Variants in L2HGDH observed in about 807,000 individuals in gnomAD.
The protein encoded by L2HGDH is L-2-hydroxyglutarate dehydrogenase, mitochondrial.
In L2HGDH, 34 loss-of-function variants were observed where a neutral mutation model predicts 51.5. That is an observed-to-expected ratio of 0.66 (90% CI 0.50 to 0.88). L2HGDH has a LOEUF of 0.88. L2HGDH is among the 40% of genes least tolerant of loss of function. L2HGDH has a pLI of 0.00. For missense variants in L2HGDH, 558 were observed against 571.9 expected (o/e 0.98, Z 0.25); for synonymous variants, 198 against 197.9 (o/e 1.00, Z -0.01).
intron 3 of L2HGDH, among the ~76,000 whole-genome samples, chr14:50,295,329 T>A (rs185142344): frequency 1.3e-5 from 2 of 152,288 alleles, no homozygotes; most frequent in African/African-American, 4.8e-5. Flanking sequence ...GAGCTGTGAT[T>A]GTGCCACTGC....
rs113305249 is a variant in L2HGDH, at chr14:50,294,219, T to A, written c.436A>T (p.Ile146Phe). ...KLIVAVEQEE[I>F]PRLQALYEKG... Reference sequence around the variant, plus strand: ...TCATATAGGGCCTGAAGTCTGGGAATTTCTTCTTGTTCAACAGCTACTATA... The same window carrying A: ...TCATATAGGGCCTGAAGTCTGGGAAATTCTTCTTGTTCAACAGCTACTATA... Residue 146 changes from isoleucine (I) to phenylalanine (F), a missense_variant, in exon 4 of 10, where the codon ATT (isoleucine) becomes TTT (phenylalanine). Ile to Phe is a conservative substitution (Grantham distance 21, BLOSUM62 0). Transcript: ENST00000267436. 1.2e-6 allele frequency: 2 copies of A among 1,613,558 alleles called. No individual in the cohort carries two copies. Among genetic ancestry groups the A allele is most frequent in the African/African-American group, 2.7e-5 (2 of 74,852 alleles).
intron 9 of L2HGDH, among the ~76,000 whole-genome samples, chr14:50,262,108 A>C (rs537491380): frequency 3.3e-5 from 5 of 152,146 alleles, no homozygotes; most frequent in Non-Finnish European, 7.4e-5. Flanking sequence ...AAAGGAGACA[A>C]GGCAGGACTT....
intron 4 of L2HGDH, among the ~76,000 whole-genome samples, chr14:50,292,778 G>C (rs754211490): frequency 1.1e-4 from 17 of 152,052 alleles, no homozygotes; most frequent in Non-Finnish European, 2.5e-4. Context: ...CCAGCTACTA[G>C]AGAGGCCGAG....
chr14:50,311,241 C>T, intron 1 of L2HGDH: 1 of 428,896 alleles, frequency 2.3e-6, no homozygotes, highest in Admixed American at 2.6e-5. Flanking sequence ...AAATAGCTTC[C>T]CGTGGCTCTT....
At chr14:50,294,611 C>T (rs1204004019) in intron 3 of L2HGDH, among the ~76,000 whole-genome samples, 1 of 152,078 alleles carries the variant, frequency 6.6e-6, no homozygotes, top group Non-Finnish European at 1.5e-5. Context: ...CTTTTTTTCC[C>T]CCCCAAAACA....
At chr14:50,311,404 G>A (rs1358068244) in intron 1 of L2HGDH, 3 of 455,990 alleles carry the variant, frequency 6.6e-6, no homozygotes, top group Admixed American at 4.7e-5. Context: ...ACCTCTCCAA[G>A]CCTTACAGCC....
intron 9 of L2HGDH, among the ~76,000 whole-genome samples, chr14:50,261,160 T>C (rs1888999795): frequency 6.6e-6 from 1 of 151,892 alleles, no homozygotes; most frequent in South Asian, 2.1e-4. Context: ...TCCTCCACAA[T>C]AAATAATTAT....
chr14:50,276,612 G>C (rs1378840635), intron 6 of L2HGDH, among the ~76,000 whole-genome samples: 1 of 152,106 alleles, frequency 6.6e-6, no homozygotes, highest in Non-Finnish European at 1.5e-5. Context: ...AAAAGGAAGA[G>C]ACACCCAAGA....
intron 5 of L2HGDH, among the ~76,000 whole-genome samples, chr14:50,281,292 T>C (rs1890258121): frequency 6.6e-6 from 1 of 152,062 alleles, no homozygotes; most frequent in Non-Finnish European, 1.5e-5. Flanking sequence ...TTTCCAGCAG[T>C]ATAATAAATT....
chr14:50,294,121 A>G lies in L2HGDH; in HGVS notation c.534T>C (p.Tyr178=), dbSNP rs1434354727. The change falls in exon 4 of 10, where the codon TAT becomes TAC. Residue 178 remains tyrosine, a synonymous_variant. Coordinates refer to ENST00000267436, the MANE Select transcript of L2HGDH (RefSeq NM_024884.3). ...QQEDIKKKEP[Y]CRGLMAIDCP... is the part of the protein sequence containing the mutation. ...CCCTTTGTTAATCACTTACCCTACA[A>G]TATGGCTCCTTCTTTTTTATATCCT... is the stretch of plus-strand genomic sequence containing the variant. 4 of 1,613,950 alleles carry G rather than the reference A, an allele frequency of 2.5e-6. No homozygotes were observed. In the East Asian group the frequency reaches 6.7e-5, roughly 27 times the overall value.
chr14:50,273,819 G>A (rs903033622), intron 6 of L2HGDH, among the ~76,000 whole-genome samples: 8 of 152,176 alleles, frequency 5.3e-5, no homozygotes, highest in Non-Finnish European at 1.0e-4. Flanking sequence ...AGGGGCTCAC[G>A]CCTGTAATCC....
intron 9 of L2HGDH, among the ~76,000 whole-genome samples, chr14:50,252,495 GA>G (rs76691238): frequency 0.31 from 47,302 of 151,534 alleles, 7,724 homozygotes; most frequent in Admixed American, 0.43. Context: ...CTGAATGGAT[GA>G]AAAAACAAGA....
intron 9 of L2HGDH, among the ~76,000 whole-genome samples, chr14:50,253,298 A>G (rs1888470219): frequency 1.3e-5 from 2 of 152,182 alleles, no homozygotes; most frequent in Non-Finnish European, 2.9e-5. Context: ...CAAGGGATTA[A>G]CAACTAGAAT....
chr14:50,277,603 G>A lies in L2HGDH; in HGVS notation c.738+917C>T, dbSNP rs576695192. ...ATCCTGGTTAACATGGTGAAACCCC[G>A]TCTCTACTAAAAATACAAAAAAATT... On this transcript the variant is annotated intron_variant, in intron 6 of 9. Transcript: ENST00000267436. Among the ~76,000 whole-genome samples the A allele has an allele frequency of 7.3e-5, 11 of 151,644 alleles. No homozygotes were observed. In the East Asian group the frequency reaches 1.7e-3, roughly 24 times the overall value.
chr14:50,265,773 G>A (rs184416187), intron 8 of L2HGDH, among the ~76,000 whole-genome samples: 31 of 152,270 alleles, frequency 2.0e-4, no homozygotes, highest in Non-Finnish European at 3.2e-4. Context: ...AATTAGACAG[G>A]TGTGGTGGTG....
At chr14:50,300,803 A>G (rs1054203311) in intron 3 of L2HGDH, among the ~76,000 whole-genome samples, 3 of 152,052 alleles carry the variant, frequency 2.0e-5, no homozygotes, top group Non-Finnish European at 4.4e-5. Context: ...CAACTTTTAA[A>G]TAAGAAATAA....
In L2HGDH at chr14:50,277,502, G is replaced by A. The variant is rs151279333; in HGVS notation, c.738+1018C>T. ...ATAATCTGGTGGCAGAGGGCCAGGC[G>A]TGGTAGCTCACACCTGTAATCCCAG... On this transcript the variant is annotated intron_variant, in intron 6 of 9. Transcript: ENST00000267436. Among the ~76,000 whole-genome samples the A allele has an allele frequency of 3.9e-4, 60 of 152,086 alleles. 1 individual carries two copies. Among genetic ancestry groups the A allele is most frequent in the African/African-American group, 1.4e-3 (58 of 41,488 alleles).
chr14:50,248,169 A>T (rs897890230), intron 9 of L2HGDH, among the ~76,000 whole-genome samples: 1 of 152,162 alleles, frequency 6.6e-6, no homozygotes, highest in African/African-American at 2.4e-5. Flanking sequence ...GTTTTTTTAA[A>T]CAGTTAAAAT....
chr14:50,246,903 T>G lies in L2HGDH; in HGVS notation c.*155A>C. On this transcript the variant is annotated 3_prime_UTR_variant, in exon 10 of 10. Transcript: ENST00000267436. Reference sequence around the variant, plus strand: ...ATGCCTGGCTAATTTTTGTAGAAAATTATTATTTCTATGTTACATCATTTT... The same window carrying G: ...ATGCCTGGCTAATTTTTGTAGAAAAGTATTATTTCTATGTTACATCATTTT... The G allele has an allele frequency of 7.7e-7, 1 of 1,297,244 alleles. No homozygotes were observed. Among genetic ancestry groups the G allele is most frequent in the Non-Finnish European group, 1.0e-6 (1 of 971,782 alleles). The allele number at this position is 1,297,244 out of a possible 1,614,324, so 80.4% of individuals were successfully genotyped here.
Sources: allele counts gnomAD v4.1 joint callset (sites outside exome capture counted in the v4.1 genomes callset), GRCh38; gene constraint gnomAD v4.1.1; transcripts MANE v1.5; gene names NCBI Gene and HGNC (gene_info 2026-07-23, HGNC 2026-07-21).